The following ABLIM3 variants were observed in gnomAD, a reference collection of about 807,000 sequenced individuals.
The protein encoded by ABLIM3 is actin-binding LIM protein 3.
A neutral mutation model predicts 109.5 loss-of-function variants in ABLIM3; 61 were observed. The ratio of observed to expected loss-of-function variants is 0.56; its 90% CI spans 0.45 to 0.69. The LOEUF (loss-of-function observed/expected upper bound fraction) is 0.69, where lower values mean the gene tolerates loss of function less well. Ranked by LOEUF, ABLIM3 falls within the 30% of genes least tolerant of loss-of-function variation. ABLIM3 has a pLI of 0.00. For missense variants in ABLIM3, 796 were observed against 889.5 expected, an observed-to-expected ratio of 0.89 and a Z score of 1.34; for synonymous variants, 300 against 324.8, an observed-to-expected ratio of 0.92 and a Z score of 0.82.
intron 16 of ABLIM3, among the ~76,000 whole-genome samples, chr5:149,245,438 A>G (rs1267492428): frequency 6.6e-6 from 1 of 152,224 alleles, no homozygotes; most frequent in African/African-American, 2.4e-5. Context: ...GTGAGAGAGG[A>G]TTCCACTGGA....
At chr5:149,223,763 C>T (rs941254526) in intron 8 of ABLIM3, among the ~76,000 whole-genome samples, 4 of 152,206 alleles carry the variant, frequency 2.6e-5, no homozygotes, top group African/African-American at 7.2e-5. Context: ...GTTGCCCACA[C>T]TCAGGCCAGG....
In ABLIM3 at chr5:149,259,024, T is replaced by C; in HGVS notation, c.*620T>C. On this transcript the variant is annotated 3_prime_UTR_variant, in exon 24 of 24. Transcript: ENST00000309868. ...TCCTCAGCTCCTTAACCCTCCTCCT[T>C]CTGCCCTGGATTGTAACCTCTCCCT... 1.0e-6 allele frequency: 1 copy of C among 1,000,744 alleles called. No homozygotes were observed. The highest frequency in any genetic ancestry group is 5.1e-4 in the Middle Eastern group (1 of 1,948). 62.0% of individuals were successfully genotyped at this position (1,000,744 alleles called of 1,614,324 possible).
rs1287524180 is a variant in ABLIM3, at chr5:149,251,391, C to G, written c.1821C>G (p.Ser607Arg). ...GCGCAGACCTCTTCCACTACGACAG[C>G]ATGAACGCAGTCAACTGGGGCATGC... ...TPSADLFHYD[S>R]MNAVNWGMRE... The change falls in exon 21 of 24, where the codon AGC (serine) becomes AGG (arginine). Residue 607 changes from serine to arginine, a missense_variant. Coordinates refer to ENST00000309868, the MANE Select transcript of ABLIM3 (RefSeq NM_014945.5). 1 of 1,614,160 alleles carries G rather than the reference C, an allele frequency of 6.2e-7. No homozygotes were observed.
intron 6 of ABLIM3, among the ~76,000 whole-genome samples, chr5:149,209,569 A>T (rs1759339902): frequency 6.6e-6 from 1 of 152,246 alleles, no homozygotes; most frequent in African/African-American, 2.4e-5. Flanking sequence ...ATTCCCCAAG[A>T]GAAGGATGGA....
chr5:149,198,193 C>T lies in ABLIM3; in HGVS notation c.152-26C>T. The T allele has an allele frequency of 6.3e-7, 1 of 1,597,742 alleles. No individual in the cohort carries two copies. Among genetic ancestry groups the T allele is most frequent in the Non-Finnish European group, 8.5e-7 (1 of 1,171,566 alleles). On this transcript the variant is annotated intron_variant, in intron 3 of 23. Coordinates refer to ENST00000309868, the MANE Select transcript of ABLIM3 (RefSeq NM_014945.5). The surrounding 1 kb of genome is among the most constrained non-coding windows in gnomAD (Gnocchi z 4.2). ...CAGACCCTCCCTGGACTCAACCTGC[C>T]CTTGTTTTCCTCCTTGTTCCCCAAG... is the stretch of plus-strand genomic sequence containing the variant.
At chr5:149,206,662 G>A (rs1204220455) in intron 5 of ABLIM3, among the ~76,000 whole-genome samples, 3 of 152,200 alleles carry the variant, frequency 2.0e-5, no homozygotes, top group African/African-American at 7.2e-5. Flanking sequence ...GCTTCCAGGT[G>A]ATGCTGACGC....
chr5:149,208,815 T>A (rs1239638377), intron 6 of ABLIM3, among the ~76,000 whole-genome samples: 1 of 152,036 alleles, frequency 6.6e-6, no homozygotes, highest in Non-Finnish European at 1.5e-5. Flanking sequence ...GTGTCCAAGA[T>A]AACAAATAAA....
At chr5:149,213,677 T>G (rs1398505440) in intron 7 of ABLIM3, among the ~76,000 whole-genome samples, 2 of 152,212 alleles carry the variant, frequency 1.3e-5, no homozygotes, top group Non-Finnish European at 2.9e-5. Context: ...TGAAATCCTG[T>G]TGGTGGCAGC....
At chr5:149,238,816 C>A (rs1297245736) in intron 11 of ABLIM3, among the ~76,000 whole-genome samples, 2 of 152,216 alleles carry the variant, frequency 1.3e-5, no homozygotes, top group Non-Finnish European at 2.9e-5. Flanking sequence ...AGCCTGGCCC[C>A]TGCTTAGCCA....
At chr5:149,222,661 CTTTTTTT>C (rs552243427) in intron 8 of ABLIM3, among the ~76,000 whole-genome samples, 52,697 of 124,118 alleles carry the variant, frequency 0.42, 10,519 homozygotes, top group East Asian at 0.6. Flanking sequence ...TTTCAGATTA[CTTTTTTT>C]TTTTTTTTTT....
chr5:149,145,185 C>A (rs1752803214), intron 2 of ABLIM3, among the ~76,000 whole-genome samples: 3 of 152,100 alleles, frequency 2.0e-5, no homozygotes, highest in Admixed American at 2.0e-4. Flanking sequence ...TTTTTGCCAT[C>A]TTTATGTCCA....
chr5:149,217,113 C>T, intron 8 of ABLIM3, 67 bp downstream of exon 8: 1 of 1,431,740 alleles, frequency 7.0e-7, no homozygotes, highest in Non-Finnish European at 9.7e-7. Flanking sequence ...ATGCGATCTT[C>T]AGGTTCAGTG....
intron 12 of ABLIM3, 129 bp downstream of exon 12, chr5:149,239,406 G>A (rs1752563237): frequency 2.0e-6 from 2 of 1,016,378 alleles, no homozygotes; most frequent in African/African-American, 1.6e-5. Context: ...GGGAAGTGCT[G>A]GAGAGACTCG....
At chr5:149,149,419 T>C (rs17795457) in intron 2 of ABLIM3, among the ~76,000 whole-genome samples, 3,261 of 152,354 alleles carry the variant, frequency 0.021, 143 homozygotes, top group East Asian at 0.15. Context: ...TCATTAAAAC[T>C]AAATCCTCTG....
chr5:149,160,091 A>G (rs1049687588), intron 2 of ABLIM3, among the ~76,000 whole-genome samples: 63 of 152,250 alleles, frequency 4.1e-4, no homozygotes, highest in Admixed American at 9.8e-4. Context: ...TAAACTCCCA[A>G]AGCATAGCAA....
At chr5:149,166,369 T>G (rs1754826698) in intron 2 of ABLIM3, among the ~76,000 whole-genome samples, 2 of 152,252 alleles carry the variant, frequency 1.3e-5, no homozygotes, top group Non-Finnish European at 2.9e-5. Flanking sequence ...TCATGCAGCC[T>G]CTGCCAGCTT....
intron 3 of ABLIM3, among the ~76,000 whole-genome samples, chr5:149,188,286 T>G (rs1290220374): frequency 6.6e-6 from 1 of 152,200 alleles, no homozygotes; most frequent in African/African-American, 2.4e-5. Flanking sequence ...ACTAAAAAAT[T>G]ATTAGAACTA....
chr5:149,184,688 C>T lies in ABLIM3; in HGVS notation c.151+1099C>T, dbSNP rs976442562. Among the ~76,000 whole-genome samples, 9 of 152,284 alleles carry T rather than the reference C, an allele frequency of 5.9e-5. No homozygotes were observed. In the East Asian group the frequency reaches 1.7e-3, roughly 29 times the overall value. ...ATGTAACTGATATTGAACTGACTTCCTGAGGAGCCGCTTCACACTACTGGC... is the reference window on the plus strand; with the variant it reads ...ATGTAACTGATATTGAACTGACTTCTTGAGGAGCCGCTTCACACTACTGGC... On this transcript the variant is annotated intron_variant, in intron 3 of 23. Transcript: ENST00000309868.
At chr5:149,147,103 C>T (rs1753005093) in intron 2 of ABLIM3, among the ~76,000 whole-genome samples, 1 of 151,274 alleles carries the variant, frequency 6.6e-6, no homozygotes. Flanking sequence ...CGCTTGCTCG[C>T]TCTCTGTGTA....
Sources: allele counts gnomAD v4.1 joint callset (sites outside exome capture counted in the v4.1 genomes callset), GRCh38; gene constraint gnomAD v4.1.1; non-coding constraint Gnocchi (gnomAD v3.1); transcripts MANE v1.5; gene names NCBI Gene and HGNC (gene_info 2026-07-23, HGNC 2026-07-21).